Variants in AGBL4 observed in about 807,000 individuals in gnomAD.
The protein encoded by AGBL4 is cytosolic carboxypeptidase 6.
A neutral mutation model predicts 66.4 loss-of-function variants in AGBL4; 58 were observed. That is an observed-to-expected ratio of 0.87 (90% CI 0.71 to 1.09). The LOEUF is 1.09. Ranked by LOEUF, AGBL4 falls within the 50% of genes least tolerant of loss-of-function variation. AGBL4 has a pLI of 0.00. For synonymous variants in AGBL4, 234 were observed against 222.9 expected (o/e 1.05, Z -0.44); for missense variants, 579 against 631.0 (o/e 0.92, Z 0.88).
chr1:48,684,316 G>A (rs1443142613), intron 6 of AGBL4, among the ~76,000 whole-genome samples: 2 of 152,230 alleles, frequency 1.3e-5, no homozygotes, highest in African/African-American at 4.8e-5. Flanking sequence ...TTAGTGAATA[G>A]TCCAAAGAAG....
At chr1:49,379,475 T>G (rs1433015743) in intron 3 of AGBL4, among the ~76,000 whole-genome samples, 1 of 152,204 alleles carries the variant, frequency 6.6e-6, no homozygotes, top group African/African-American at 2.4e-5. Flanking sequence ...ATACCCATTT[T>G]AAAATACAGC....
At chr1:48,816,028 C>G (rs1646164235) in intron 6 of AGBL4, among the ~76,000 whole-genome samples, 1 of 149,654 alleles carries the variant, frequency 6.7e-6, no homozygotes, top group South Asian at 2.1e-4. Flanking sequence ...ATTTTGGCCA[C>G]TTATTGAGGA....
At chr1:49,032,112 A>C (rs1239933217) in intron 5 of AGBL4, among the ~76,000 whole-genome samples, 1 of 152,178 alleles carries the variant, frequency 6.6e-6, no homozygotes, top group Non-Finnish European at 1.5e-5. Flanking sequence ...TGGTCACAGA[A>C]AGAACTGTAA....
intron 5 of AGBL4, among the ~76,000 whole-genome samples, chr1:48,940,086 T>A (rs1175589366): frequency 6.6e-6 from 1 of 152,192 alleles, no homozygotes; most frequent in Non-Finnish European, 1.5e-5. Context: ...GTGACTGCAA[T>A]GTCCTTGTGA....
At chr1:49,543,597 C>T (rs929066856) in intron 3 of AGBL4, among the ~76,000 whole-genome samples, 1 of 152,000 alleles carries the variant, frequency 6.6e-6, no homozygotes, top group African/African-American at 2.4e-5. Context: ...TGTTCTGAAA[C>T]TTAAGTATTT....
rs200307043 is a variant in AGBL4, at chr1:49,119,183, G to A, written c.378-73383C>T. On this transcript the variant is annotated intron_variant, in intron 4 of 13. Transcript: ENST00000371839. ...TCATTGATTTTTTGAAGGGTTTTTC[G>A]TGTCTCTATCTCTTTCAATTCTGCT... Among the ~76,000 whole-genome samples, 13 of 152,032 alleles carry A rather than the reference G, an allele frequency of 8.6e-5. No homozygotes were observed. In the South Asian group the frequency reaches 1.2e-3, roughly 15 times the overall value.
intron 4 of AGBL4, among the ~76,000 whole-genome samples, chr1:49,244,425 A>G (rs1015353505): frequency 1.3e-5 from 2 of 151,874 alleles, no homozygotes; most frequent in Non-Finnish European, 1.5e-5. Context: ...TTGATACAGG[A>G]AAGCAAAAAA....
chr1:48,916,506 T>G (rs72895608), intron 5 of AGBL4, among the ~76,000 whole-genome samples: 14,255 of 152,188 alleles, frequency 0.094, 761 homozygotes, highest in Non-Finnish European at 0.11. Context: ...ATTTGCTTAT[T>G]TCAGTTAAAT....
At chr1:49,259,465 T>A (rs1429967236) in intron 3 of AGBL4, among the ~76,000 whole-genome samples, 1 of 151,376 alleles carries the variant, frequency 6.6e-6, no homozygotes, top group Non-Finnish European at 1.5e-5. Flanking sequence ...GAGGAAGATC[T>A]ACCAAGCAAA....
intron 3 of AGBL4, among the ~76,000 whole-genome samples, chr1:49,299,471 A>T (rs1291348254): frequency 6.6e-6 from 1 of 152,236 alleles, no homozygotes; most frequent in Non-Finnish European, 1.5e-5. Flanking sequence ...AATGGCTCAA[A>T]TAAGATAGTG....
chr1:49,828,680 T>A (rs6588362), intron 2 of AGBL4, among the ~76,000 whole-genome samples: 103,859 of 152,038 alleles, frequency 0.68, 36,187 homozygotes, highest in African/African-American at 0.77. Context: ...CAATGAAGGT[T>A]TAAAATAGGG....
intron 3 of AGBL4, among the ~76,000 whole-genome samples, chr1:49,585,177 C>T (rs954753700): frequency 1.3e-5 from 2 of 152,190 alleles, no homozygotes; most frequent in Non-Finnish European, 2.9e-5. Flanking sequence ...CGTAGCTCTA[C>T]ATCATCTCTG....
At chr1:49,157,237 C>A (rs1646449756) in intron 4 of AGBL4, among the ~76,000 whole-genome samples, 1 of 141,678 alleles carries the variant, frequency 7.1e-6, no homozygotes, top group African/African-American at 2.6e-5. Flanking sequence ...CTCCCCTTGT[C>A]CCCCACCCCC....
intron 3 of AGBL4, among the ~76,000 whole-genome samples, chr1:49,533,377 T>C (rs914279562): frequency 6.6e-6 from 1 of 152,194 alleles, no homozygotes; most frequent in Non-Finnish European, 1.5e-5. Flanking sequence ...ATCCTGGTAA[T>C]GATCTAAATT....
rs11441549 is a variant in AGBL4 at position 48,728,482 on chromosome 1, CTT to C, written c.635-65243_635-65242del. On this transcript the variant is annotated intron_variant, in intron 6 of 13. Transcript: ENST00000371839. Reference sequence around the variant, plus strand: ...GTGCCCACTCTATCATTCTGACTTGCTTTTTTTTTTTTTTTTACTCAAATGTT... The same window carrying C: ...GTGCCCACTCTATCATTCTGACTTGCTTTTTTTTTTTTTTACTCAAATGTT... 5.6e-3 allele frequency among the ~76,000 whole-genome samples: 770 copies of C among 137,050 alleles called. 6 individuals are homozygous for C. Among genetic ancestry groups the C allele is most frequent in the Non-Finnish European group, 9.7e-3 (624 of 64,048 alleles). 89.9% of individuals were successfully genotyped at this position (137,050 alleles called of 152,430 possible). A position where few individuals can be genotyped will look rare whatever the true frequency, so the allele number is the denominator to read the frequency against.
chr1:49,516,084 A>G (rs1404368203), intron 3 of AGBL4, among the ~76,000 whole-genome samples: 2 of 151,610 alleles, frequency 1.3e-5, no homozygotes, highest in Non-Finnish European at 2.9e-5. Context: ...ACAAAAAAAA[A>G]TGACTGGCCC....
chr1:49,328,902 C>T (rs566551668), intron 3 of AGBL4, among the ~76,000 whole-genome samples: 18 of 152,268 alleles, frequency 1.2e-4, no homozygotes, highest in Middle Eastern at 6.8e-3. Flanking sequence ...ATCTTAATTT[C>T]CTATAATAAT....
intron 4 of AGBL4, among the ~76,000 whole-genome samples, chr1:49,200,928 A>G (rs1373778661): frequency 1.3e-5 from 2 of 152,120 alleles, no homozygotes; most frequent in African/African-American, 4.8e-5. Context: ...TCTAATTGCA[A>G]CTTGATCTTT....
At position 49,636,055 on chromosome 1, in the gene AGBL4, G is replaced by T. The variant is rs542041970; in HGVS notation, c.282+61258C>A. On this transcript the variant is annotated intron_variant, in intron 3 of 13. Coordinates refer to ENST00000371839, the MANE Select transcript of AGBL4 (RefSeq NM_032785.4). ...GGTTCTAGGGCTGCACTCTAGGGCT[G>T]TATCTCTGTTAATTCAGACCTCTTA... 2.7e-4 allele frequency among the ~76,000 whole-genome samples: 41 copies of T among 152,256 alleles called. 1 individual carries two copies. Among genetic ancestry groups the T allele is most frequent in the African/African-American group, 9.4e-4 (39 of 41,564 alleles).
Sources: allele counts gnomAD v4.1 joint callset (sites outside exome capture counted in the v4.1 genomes callset), GRCh38; gene constraint gnomAD v4.1.1; transcripts MANE v1.5; gene names NCBI Gene and HGNC (gene_info 2026-07-23, HGNC 2026-07-21).